Variants in MAGI1 observed in about 807,000 individuals in gnomAD.
MAGI1 encodes the protein membrane-associated guanylate kinase, WW and PDZ domain-containing protein 1.
MAGI1 carries 58 observed loss-of-function variants against 139.9 expected under a neutral mutation model. That is an observed-to-expected ratio of 0.41 (90% CI 0.34 to 0.52). The LOEUF is 0.52. Ranked by LOEUF, MAGI1 falls within the 20% of genes least tolerant of loss-of-function variation. The probability of loss-of-function intolerance (pLI) is 0.12; values close to 1 mark genes in which losing one functional copy is unlikely to be tolerated. For synonymous variants in MAGI1, 812 were observed against 737.9 expected (o/e 1.10, Z -1.63); for missense variants, 1,874 against 1,901.6 (o/e 0.99, Z 0.27).
intron 2 of MAGI1, among the ~76,000 whole-genome samples, chr3:65,598,945 C>G (rs114578186): frequency 2.0e-5 from 3 of 152,168 alleles, no homozygotes; most frequent in Non-Finnish European, 4.4e-5. Flanking sequence ...TGAAGCTACA[C>G]CTTGTAGCAA....
At chr3:65,796,066 AAAAAG>A (rs1208375872) in intron 1 of MAGI1, among the ~76,000 whole-genome samples, 5 of 143,424 alleles carry the variant, frequency 3.5e-5, no homozygotes, top group Non-Finnish European at 6.1e-5. Context: ...AAAAAAAAAA[AAAAAG>A]AAAAGAAAAG....
At chr3:65,437,928 T>A (rs1007301978) in intron 9 of MAGI1, among the ~76,000 whole-genome samples, 2 of 152,128 alleles carry the variant, frequency 1.3e-5, no homozygotes, top group Non-Finnish European at 2.9e-5. Flanking sequence ...CAGATGTTGA[T>A]AAGGATGTAG....
chr3:65,406,326 G>C (rs1253142212), intron 12 of MAGI1, among the ~76,000 whole-genome samples: 1 of 151,856 alleles, frequency 6.6e-6, no homozygotes, highest in Middle Eastern at 3.2e-3. Context: ...CTGGGAAAGA[G>C]AGTGGACCTC....
At chr3:65,439,140 A>G (rs1948059471) in intron 9 of MAGI1, among the ~76,000 whole-genome samples, 1 of 152,332 alleles carries the variant, frequency 6.6e-6, no homozygotes, top group East Asian at 1.9e-4. Context: ...TGGCTAAATA[A>G]AGCAGAGGCA....
chr3:65,778,545 A>G (rs2038669367), intron 1 of MAGI1, among the ~76,000 whole-genome samples: 1 of 152,152 alleles, frequency 6.6e-6, no homozygotes, highest in Admixed American at 6.6e-5. Flanking sequence ...TGCCCTTTAC[A>G]TATGCAATCT....
In MAGI1 at chr3:65,675,415, G is replaced by A. The variant is rs377521446; in HGVS notation, c.314-53327C>T. Among the ~76,000 whole-genome samples, 86 of 152,138 alleles carry A rather than the reference G, an allele frequency of 5.7e-4. 2 individuals are homozygous for A. In the South Asian group the frequency reaches 0.013, roughly 23 times the overall value. On this transcript the variant is annotated intron_variant, in intron 1 of 22. Transcript: ENST00000402939. ...AAAGTATAAATGGTGATTTAAAAAC[G>A]GGGGAAATGCCAGAAAAATACCACT...
intron 2 of MAGI1, among the ~76,000 whole-genome samples, chr3:65,570,113 ATTAT>A (rs2080886472): frequency 7.5e-6 from 1 of 133,594 alleles, no homozygotes; most frequent in Non-Finnish European, 1.7e-5. Context: ...TATTATTATT[ATTAT>A]TCTGAGACAC....
At chr3:65,726,252 TA>T (rs2107709892) in intron 1 of MAGI1, among the ~76,000 whole-genome samples, 1 of 152,294 alleles carries the variant, frequency 6.6e-6, no homozygotes, top group South Asian at 2.1e-4. Context: ...CTTTTTTATA[TA>T]AAACACCTTG....
At chr3:65,525,893 G>T (rs1193667325) in intron 2 of MAGI1, among the ~76,000 whole-genome samples, 3 of 152,138 alleles carry the variant, frequency 2.0e-5, no homozygotes, top group Non-Finnish European at 4.4e-5. Context: ...ATATAAGGGA[G>T]GCACACATTG....
intron 1 of MAGI1, among the ~76,000 whole-genome samples, chr3:65,920,105 G>A (rs997082373): frequency 6.6e-6 from 1 of 152,048 alleles, no homozygotes; most frequent in Non-Finnish European, 1.5e-5. Context: ...CTTATTTTAG[G>A]GAGTTTTGCA....
intron 12 of MAGI1, among the ~76,000 whole-genome samples, chr3:65,413,864 G>C (rs1945986502): frequency 6.6e-6 from 1 of 152,176 alleles, no homozygotes; most frequent in African/African-American, 2.4e-5. Flanking sequence ...GCAGGAAAAT[G>C]CAAGAACTGT....
At chr3:65,955,981 C>T (rs2064108855) in intron 1 of MAGI1, among the ~76,000 whole-genome samples, 1 of 152,074 alleles carries the variant, frequency 6.6e-6, no homozygotes, top group Non-Finnish European at 1.5e-5. Context: ...GAAATATACA[C>T]AAATCCAGGG....
At chr3:65,524,475 A>T (rs1487457048) in intron 2 of MAGI1, among the ~76,000 whole-genome samples, 24 of 152,242 alleles carry the variant, frequency 1.6e-4, no homozygotes, top group Non-Finnish European at 2.9e-5. Flanking sequence ...AAAGTTAGAC[A>T]TGTAGGGTAA....
chr3:65,499,089 T>C, intron 2 of MAGI1: 1 of 933,762 alleles, frequency 1.1e-6, no homozygotes, highest in Non-Finnish European at 1.3e-6. Flanking sequence ...AACTCTCATA[T>C]GCTTTGAAAA....
At chr3:66,024,187 A>G (rs1254886807) in intron 1 of MAGI1, among the ~76,000 whole-genome samples, 4 of 152,062 alleles carry the variant, frequency 2.6e-5, no homozygotes, top group Admixed American at 2.6e-4. Context: ...AGACAAATAT[A>G]TAAACAAGGC....
chr3:65,701,319 C>T (rs544756779), intron 1 of MAGI1, among the ~76,000 whole-genome samples: 27 of 152,282 alleles, frequency 1.8e-4, no homozygotes, highest in Admixed American at 1.7e-3. Flanking sequence ...ATGGCGTGAT[C>T]TTGCCTTACT....
At chr3:65,431,069 G>C (rs992876505) in intron 10 of MAGI1, among the ~76,000 whole-genome samples, 188 bp from the exon 11 acceptor site, 3 of 152,144 alleles carry the variant, frequency 2.0e-5, no homozygotes, top group Non-Finnish European at 4.4e-5. Flanking sequence ...TGTTGATGGA[G>C]GGAGGTAAAG....
chr3:65,364,962 G>C lies in MAGI1; in HGVS notation c.3197-16C>G, dbSNP rs1438841262. On this transcript the variant is annotated splice_polypyrimidine_tract_variant and intron_variant, in intron 18 of 22. Transcript: ENST00000402939. ...TTCGAGGACTCTGCAAAGAGGGACA[G>C]AGCATAAAGAAATGAAGACCCCAGA... is the stretch of plus-strand genomic sequence containing the variant. The C allele has an allele frequency of 2.5e-6, 4 of 1,608,420 alleles. No individual in the cohort carries two copies. The highest frequency in any genetic ancestry group is 3.4e-6 in the Non-Finnish European group (4 of 1,174,872).
intron 1 of MAGI1, among the ~76,000 whole-genome samples, chr3:65,803,735 T>A (rs1342325161): frequency 6.6e-6 from 1 of 152,136 alleles, no homozygotes; most frequent in Non-Finnish European, 1.5e-5. Flanking sequence ...GTGTCTGTTG[T>A]TCCCCTCTCT....
Sources: allele counts gnomAD v4.1 joint callset (sites outside exome capture counted in the v4.1 genomes callset), GRCh38; gene constraint gnomAD v4.1.1; transcripts MANE v1.5; gene names NCBI Gene and HGNC (gene_info 2026-07-23, HGNC 2026-07-21).